Variants in FLT3 observed in about 807,000 individuals in gnomAD.
The protein encoded by FLT3 is fms related receptor tyrosine kinase 3.
FLT3 carries 46 observed loss-of-function variants against 126.6 expected under a neutral mutation model. The observed-to-expected ratio is 0.36, with a 90% CI of 0.29 to 0.46. The LOEUF (loss-of-function observed/expected upper bound fraction) is 0.46, where lower values mean the gene tolerates loss of function less well. Among genes scored for constraint, FLT3 ranks in the 20% least tolerant of loss-of-function variants. FLT3 has a pLI of 1.00. For synonymous variants in FLT3, 404 were observed against 434.4 expected, an observed-to-expected ratio of 0.93 and a Z score of 0.87; for missense variants, 1,069 against 1,190.3, an observed-to-expected ratio of 0.90 and a Z score of 1.50.
intron 9 of FLT3, among the ~76,000 whole-genome samples, chr13:28,043,530 G>T (rs1303560384): frequency 6.6e-6 from 1 of 152,262 alleles, no homozygotes; most frequent in African/African-American, 2.4e-5. Flanking sequence ...TTAAAAAATT[G>T]TATCACTTTG....
rs189844359 is a variant in FLT3, at chr13:28,003,702, A to G, written c.*350T>C. 1.5e-5 allele frequency: 4 copies of G among 267,824 alleles called. No homozygotes were observed. The East Asian group carries it at 1.6e-4, about 10-fold the overall frequency. 16.6% of individuals were successfully genotyped at this position (267,824 alleles called of 1,614,324 possible). A position where few individuals can be genotyped will look rare whatever the true frequency, so the allele number is the denominator to read the frequency against. ...TATTATTTTAAAACATAGACTTAAA[A>G]AATCATATTAGCTTCTCCTTAGCAA... On this transcript the variant is annotated 3_prime_UTR_variant, in exon 24 of 24. Transcript: ENST00000241453.
chr13:28,035,258 C>A (rs571844953), intron 12 of FLT3, among the ~76,000 whole-genome samples: 5 of 152,324 alleles, frequency 3.3e-5, no homozygotes, highest in African/African-American at 1.2e-4. Context: ...ATTCACCACA[C>A]TGGGAGTTTC....
chr13:28,015,506 G>T (rs1213801901), intron 21 of FLT3, 84 bp downstream of exon 21: 25 of 742,220 alleles, frequency 3.4e-5, no homozygotes, highest in Admixed American at 2.9e-4. Context: ...ACCCATCAGT[G>T]TTGGGGGGAG....
chr13:28,029,523 A>C (rs1411978941), intron 15 of FLT3, among the ~76,000 whole-genome samples: 1 of 152,246 alleles, frequency 6.6e-6, no homozygotes, highest in Non-Finnish European at 1.5e-5. Context: ...CAAAACAAAC[A>C]AACAAAATAA....
chr13:28,077,489 A>G (rs1455636493), intron 1 of FLT3, among the ~76,000 whole-genome samples: 1 of 152,200 alleles, frequency 6.6e-6, no homozygotes, highest in Non-Finnish European at 1.5e-5. Context: ...CTTATTCACT[A>G]TCATGAGAAT....
At position 28,014,570 on chromosome 13, in the gene FLT3, T is replaced by C. The variant is rs370386010; in HGVS notation, c.2754-13A>G. The C allele has an allele frequency of 1.3e-4, 211 of 1,571,884 alleles. 1 individual carries two copies. Among genetic ancestry groups the C allele is most frequent in the South Asian group, 5.5e-5 (5 of 90,194 alleles). On this transcript the variant is annotated splice_polypyrimidine_tract_variant and intron_variant, in intron 22 of 23. Coordinates refer to ENST00000241453, the MANE Select transcript of FLT3 (RefSeq NM_004119.3). ...CATTATAATGTATCTGTAAAAGCAA[T>C]AGAACAAGGAACAAGATGAAGAAGT...
At chr13:28,028,153 G>T in intron 16 of FLT3, 25 bp downstream of exon 16, 1 of 1,072,346 alleles carries the variant, frequency 9.3e-7, no homozygotes, top group Non-Finnish European at 1.5e-6. Context: ...TTTTTGATGA[G>T]GTGATTTTCG....
chr13:28,095,542 G>A (rs751724563), intron 1 of FLT3, among the ~76,000 whole-genome samples: 2 of 152,112 alleles, frequency 1.3e-5, no homozygotes, highest in Non-Finnish European at 2.9e-5. Flanking sequence ...CCAAAGTGCT[G>A]GGATTACAGG....
At position 28,034,341 on chromosome 13, in the gene FLT3, A is replaced by T. The variant is rs771300239; in HGVS notation, c.1664T>A (p.Ile555Asn). ...YATIGVCLLFIVVLTLLICHK... is the reference protein window; with the variant it reads ...YATIGVCLLFNVVLTLLICHK... ...ACAAATTAGCAGGGTTAAAACGACA[A>T]TGAAGAGGAGACAAACACCAATTGT... The change falls in exon 13 of 24, where the codon ATT becomes AAT. Residue 555 changes from isoleucine (I) to asparagine (N), a missense_variant. Ile to Asn is a moderately radical substitution (Grantham distance 149). Coordinates refer to ENST00000241453, the MANE Select transcript of FLT3 (RefSeq NM_004119.3). 2 of 1,614,128 alleles carry T rather than the reference A, an allele frequency of 1.2e-6. No individual in the cohort carries two copies. Among genetic ancestry groups the T allele is most frequent in the South Asian group, 2.2e-5 (2 of 91,076 alleles).
chr13:28,063,476 T>C (rs914118911), intron 2 of FLT3, among the ~76,000 whole-genome samples: 176 of 152,172 alleles, frequency 1.2e-3, no homozygotes, highest in African/African-American at 4.0e-3. Flanking sequence ...TCAGACTCTG[T>C]CTCAAAAAAT....
chr13:28,042,146 AAATAATAATAATAATAAT>A (rs57260336), intron 9 of FLT3, among the ~76,000 whole-genome samples: 13 of 134,744 alleles, frequency 9.6e-5, no homozygotes, highest in East Asian at 8.7e-4. Context: ...CCTCCATCCG[AAATAATAATAATAATAAT>A]AATAATAATA....
At chr13:28,063,479 C>G (rs1876750718) in intron 2 of FLT3, among the ~76,000 whole-genome samples, 1 of 152,082 alleles carries the variant, frequency 6.6e-6, no homozygotes, top group Admixed American at 6.6e-5. Flanking sequence ...GACTCTGTCT[C>G]AAAAAATTAA....
chr13:28,019,126 C>T (rs1209180003), intron 19 of FLT3, among the ~76,000 whole-genome samples: 1 of 152,056 alleles, frequency 6.6e-6, no homozygotes, highest in Non-Finnish European at 1.5e-5. Context: ...CGCCACCAGG[C>T]CCAGCTAATT....
chr13:28,005,772 A>G (rs1375201705), intron 23 of FLT3, among the ~76,000 whole-genome samples: 2 of 152,202 alleles, frequency 1.3e-5, no homozygotes, highest in African/African-American at 2.4e-5. Context: ...CCTGGAAACT[A>G]TATTTTCCAG....
intron 4 of FLT3, among the ~76,000 whole-genome samples, chr13:28,054,271 T>C (rs977245413): frequency 6.6e-6 from 1 of 152,170 alleles, no homozygotes; most frequent in Non-Finnish European, 1.5e-5. Context: ...ATCCAGCAAG[T>C]ATAAAATGGT....
At chr13:28,094,425 G>C (rs1181217847) in intron 1 of FLT3, among the ~76,000 whole-genome samples, 1 of 152,094 alleles carries the variant, frequency 6.6e-6, no homozygotes, top group African/African-American at 2.4e-5. Context: ...AAAAAAAATG[G>C]TTCCTCTTTT....
At chr13:28,008,758 C>G (rs994332835) in intron 23 of FLT3, among the ~76,000 whole-genome samples, 2 of 152,092 alleles carry the variant, frequency 1.3e-5, no homozygotes, top group African/African-American at 4.8e-5. Context: ...GGATTACAGG[C>G]GTGAGCTACC....
intron 23 of FLT3, among the ~76,000 whole-genome samples, chr13:28,011,495 T>C (rs1000733215): frequency 7.1e-6 from 1 of 139,958 alleles, no homozygotes; most frequent in African/African-American, 3.0e-5. Flanking sequence ...CGTGGCTGTG[T>C]GGGTTGTGCC....
At chr13:28,062,507 C>T (rs1195960990) in intron 2 of FLT3, among the ~76,000 whole-genome samples, 1 of 151,880 alleles carries the variant, frequency 6.6e-6, no homozygotes, top group Non-Finnish European at 1.5e-5. Context: ...CTTTGGGACG[C>T]GGAGGCAGGC....
Sources: allele counts gnomAD v4.1 joint callset (sites outside exome capture counted in the v4.1 genomes callset), GRCh38; gene constraint gnomAD v4.1.1; transcripts MANE v1.5; gene names NCBI Gene and HGNC (gene_info 2026-07-23, HGNC 2026-07-21).